Variants in SP4 observed in about 807,000 individuals in gnomAD.
SP4 encodes transcription factor Sp4.
A neutral mutation model predicts 72.8 loss-of-function variants in SP4; 19 were observed. The ratio of observed to expected loss-of-function variants is 0.26; its 90% CI spans 0.18 to 0.38. The LOEUF is 0.38. Ranked by LOEUF, SP4 falls within the 10% of genes least tolerant of loss-of-function variation. The pLI is 1.00. For missense variants in SP4, 1,008 were observed against 926.3 expected (o/e 1.09, Z -1.14); for synonymous variants, 395 against 333.1 (o/e 1.19, Z -2.02).
chr7:21,490,055 T>C (rs574005510), intron 5 of SP4, among the ~76,000 whole-genome samples: 2 of 152,372 alleles, frequency 1.3e-5, no homozygotes, highest in South Asian at 4.1e-4. Context: ...CTACAACTTG[T>C]CTGTTCCATT....
rs759997447 is a variant in SP4 at position 21,430,760 on chromosome 7, A to G, written c.1595A>G (p.Asn532Ser). Residue 532 changes from asparagine to serine, a missense_variant, in exon 3 of 6, where the codon AAC becomes AGC. Asn to Ser is a conservative substitution (Grantham distance 46, BLOSUM62 1). This residue lies in a region of SP4 where 893 missense variants were observed against 743.3 expected (regional missense o/e 1.20). Coordinates refer to ENST00000222584, the MANE Select transcript of SP4 (RefSeq NM_003112.5). ...LNTAQLASVP[N>S]LQTVSVANLG... is the part of the protein sequence containing the mutation. ...ACTGCCCAGCTTGCATCAGTGCCTA[A>G]CCTTCAGACAGTGAGCGTTGCCAAC... 2 of 1,614,068 alleles carry G rather than the reference A, an allele frequency of 1.2e-6. No individual in the cohort carries two copies. The highest frequency in any genetic ancestry group is 1.7e-6 in the Non-Finnish European group (2 of 1,180,040).
rs201213112 is a variant in SP4 at position 21,487,741 on chromosome 7, TTGA to T, written c.2107+5639_2107+5641del. ...CAGTGATTCTTTGTTTTTGTTCAAG[TTGA>T]TGATGATGATGATGATGATGGTGGT... On this transcript the variant is annotated intron_variant, in intron 5 of 5. Transcript: ENST00000222584. Among the ~76,000 whole-genome samples, 961 of 139,994 alleles carry T rather than the reference TTGA, an allele frequency of 6.9e-3. 13 individuals carry two copies. The highest frequency in any genetic ancestry group is 0.018 in the African/African-American group (650 of 35,410). 91.8% of individuals were successfully genotyped at this position (139,994 alleles called of 152,430 possible).
Position 21,511,490 on chromosome 7 carries a change from C to T in SP4, c.*221C>T, listed in dbSNP as rs1782142464. 1.2e-5 allele frequency: 6 copies of T among 506,480 alleles called. No homozygotes were observed. The highest frequency in any genetic ancestry group is 2.1e-5 in the Non-Finnish European group (6 of 283,942). 31.4% of individuals were successfully genotyped at this position (506,480 alleles called of 1,614,324 possible). Reference sequence around the variant, plus strand: ...GAAACAGAAAAGTATTTCCTCCATACTATAAGTTGTAGTTGTTTGGAAATA... The same window carrying T: ...GAAACAGAAAAGTATTTCCTCCATATTATAAGTTGTAGTTGTTTGGAAATA... On this transcript the variant is annotated 3_prime_UTR_variant, in exon 6 of 6. Transcript: ENST00000222584.
At chr7:21,505,060 C>A (rs1781960568) in intron 5 of SP4, among the ~76,000 whole-genome samples, 1 of 152,206 alleles carries the variant, frequency 6.6e-6, no homozygotes, top group Non-Finnish European at 1.5e-5. Context: ...ACCTGAATTT[C>A]CTTTGAGGAC....
intron 4 of SP4, among the ~76,000 whole-genome samples, chr7:21,479,497 T>C (rs1317197308): frequency 1.3e-5 from 2 of 152,222 alleles, no homozygotes; most frequent in Non-Finnish European, 2.9e-5. Context: ...TATATGACTA[T>C]CTTTATGTCA....
In SP4 at chr7:21,505,241, G is replaced by A. The variant is rs1170219580; in HGVS notation, c.2108-5781G>A. Among the ~76,000 whole-genome samples, 5 of 152,140 alleles carry A rather than the reference G, an allele frequency of 3.3e-5. No homozygotes were observed. In the East Asian group the frequency reaches 9.6e-4, roughly 29 times the overall value. On this transcript the variant is annotated intron_variant, in intron 5 of 5. Transcript: ENST00000222584. The stretch of plus-strand genomic sequence containing the variant: ...CCACTATTCCCAGTATTCTCTCTGG[G>A]TTTATTCTTCACATCCCTTCACTAA...
chr7:21,487,125 T>C (rs1358310839), intron 5 of SP4, among the ~76,000 whole-genome samples: 2 of 152,246 alleles, frequency 1.3e-5, no homozygotes, highest in Non-Finnish European at 2.9e-5. Flanking sequence ...TATAATTCAA[T>C]ACTATCATTT....
intron 3 of SP4, among the ~76,000 whole-genome samples, chr7:21,462,729 C>T (rs1784035807): frequency 6.6e-6 from 1 of 152,156 alleles, no homozygotes; most frequent in Admixed American, 6.5e-5. Flanking sequence ...TAGGGTTACA[C>T]CTGGTCTTTG....
chr7:21,462,825 A>C (rs1449207542), intron 3 of SP4, among the ~76,000 whole-genome samples: 1 of 152,212 alleles, frequency 6.6e-6, no homozygotes. Context: ...GCTAAGAGGA[A>C]TCTCAGATGG....
At chr7:21,472,093 C>T (rs1212639751) in intron 3 of SP4, among the ~76,000 whole-genome samples, 1 of 152,130 alleles carries the variant, frequency 6.6e-6, no homozygotes, top group Non-Finnish European at 1.5e-5. Flanking sequence ...GAAGTGTTCA[C>T]TGGCAGTTGA....
chr7:21,451,838 A>G (rs1435629492), intron 3 of SP4, among the ~76,000 whole-genome samples: 1 of 152,164 alleles, frequency 6.6e-6, no homozygotes, highest in Non-Finnish European at 1.5e-5. Context: ...AAATAAGGGG[A>G]TGAGGACAGA....
At chr7:21,474,231 A>G (rs1352331679) in intron 3 of SP4, among the ~76,000 whole-genome samples, 2 of 152,190 alleles carry the variant, frequency 1.3e-5, no homozygotes, top group Non-Finnish European at 2.9e-5. Context: ...TACCAAAATA[A>G]AGGTCATCTT....
intron 3 of SP4, among the ~76,000 whole-genome samples, chr7:21,432,673 C>T (rs555513610): frequency 6.6e-6 from 1 of 152,232 alleles, no homozygotes; most frequent in Non-Finnish European, 1.5e-5. Context: ...ATTTGCCTTT[C>T]AAACAAACTT....
At position 21,477,191 on chromosome 7, in the gene SP4, A is replaced by G. The variant is rs962482323; in HGVS notation, c.1791A>G (p.Gln597=). 6.2e-7 allele frequency: 1 copy of G among 1,614,080 alleles called. No individual in the cohort carries two copies. Among genetic ancestry groups the G allele is most frequent in the African/African-American group, 1.3e-5 (1 of 74,940 alleles). Residue 597 remains glutamine, a synonymous_variant, in exon 4 of 6, where the codon CAA becomes CAG. Coordinates refer to ENST00000222584, the MANE Select transcript of SP4 (RefSeq NM_003112.5). ...NATIGAVSPD[Q]LTQVHLQQGQ... is the part of the protein sequence containing the mutation. Reference sequence around the variant, plus strand: ...CGATAGGTGCTGTTAGTCCTGACCAACTCACACAAGTGCATTTGCAGCAAG... The same window carrying G: ...CGATAGGTGCTGTTAGTCCTGACCAGCTCACACAAGTGCATTTGCAGCAAG...
chr7:21,475,101 T>C (rs1784460137), intron 3 of SP4, among the ~76,000 whole-genome samples: 1 of 151,262 alleles, frequency 6.6e-6, no homozygotes, highest in African/African-American at 2.4e-5. Context: ...CCCCACCCTT[T>C]TTTTGTTTTT....
intron 3 of SP4, among the ~76,000 whole-genome samples, chr7:21,451,941 C>T (rs574278367): frequency 1.4e-4 from 22 of 152,286 alleles, no homozygotes; most frequent in Admixed American, 1.2e-3. Context: ...GACCTGGGTG[C>T]GTGGGGTTGC....
At position 21,428,685 on chromosome 7, in the gene SP4, A is replaced by AAGG. The variant is rs758623776; in HGVS notation, c.32_34dup (p.Glu11dup). On this transcript the variant is annotated inframe_insertion, in exon 2 of 6. Transcript: ENST00000222584. ...GGGGGGGTTTGTTGCAGATCAGAAGAAGGAGGAGGAGGAGGAGGCGGCAGC... is the reference window on the plus strand; with the variant it reads ...GGGGGGGTTTGTTGCAGATCAGAAGAAGGAGGAGGAGGAGGAGGAGGCGGCAGC... The AAGG allele has an allele frequency of 5.6e-5, 87 of 1,548,314 alleles. No homozygotes were observed. The highest frequency in any genetic ancestry group is 1.7e-4 in the Middle Eastern group (1 of 5,978).
chr7:21,484,789 A>G (rs998395267), intron 5 of SP4, among the ~76,000 whole-genome samples: 7 of 151,920 alleles, frequency 4.6e-5, no homozygotes, highest in Non-Finnish European at 7.4e-5. Flanking sequence ...TGTCTAAGAA[A>G]TGATGAGTTG....
intron 5 of SP4, among the ~76,000 whole-genome samples, chr7:21,507,917 C>T (rs960999512): frequency 3.3e-5 from 5 of 152,084 alleles, no homozygotes; most frequent in African/African-American, 9.7e-5. Flanking sequence ...TGGGACTCTG[C>T]ACTTGCTTCA....
Sources: gnomAD v4.1 joint callset for allele counts (sites outside exome capture counted in the v4.1 genomes callset) on GRCh38, gnomAD v4.1.1 for gene constraint, gnomAD v4.1.1 regional missense constraint, MANE v1.5 for transcripts, NCBI Gene and HGNC (gene_info 2026-07-23, HGNC 2026-07-21) for gene names.